Variants in CBLB observed in about 807,000 individuals in gnomAD.
CBLB encodes Cbl proto-oncogene B, also known as E3 ubiquitin-protein ligase CBL-B.
In CBLB, 31 loss-of-function variants were observed where a neutral mutation model predicts 104.9. That is an observed-to-expected ratio of 0.30 (90% CI 0.22 to 0.40). The LOEUF (loss-of-function observed/expected upper bound fraction) is 0.40. Ranked by LOEUF, CBLB falls within the 10% of genes least tolerant of loss-of-function variation. The pLI is 1.00. For synonymous variants in CBLB, 440 were observed against 422.6 expected (o/e 1.04, Z -0.51); for missense variants, 1,062 against 1,214.6 (o/e 0.87, Z 1.87).
chr3:105,756,682 T>C (rs558382794), intron 4 of CBLB, among the ~76,000 whole-genome samples: 86 of 152,318 alleles, frequency 5.6e-4, no homozygotes, highest in Non-Finnish European at 9.1e-4. Context: ...TTAACAAGTA[T>C]GTACTCTTTA....
intron 3 of CBLB, among the ~76,000 whole-genome samples, chr3:105,792,301 A>G (rs2081752709): frequency 2.0e-5 from 3 of 152,166 alleles, no homozygotes; most frequent in Non-Finnish European, 4.4e-5. Context: ...TGTGAAAGCA[A>G]TTCCTCTCTG....
rs1358864959 is a variant in CBLB, at chr3:105,744,400, A to G, written c.845+1517T>C. Reference sequence around the variant, plus strand: ...TGGTCATGAGAGATTCTTGAATGAAAGAAAATCATTCATCTAAACCACTGT... The same window carrying G: ...TGGTCATGAGAGATTCTTGAATGAAGGAAAATCATTCATCTAAACCACTGT... On this transcript the variant is annotated intron_variant, in intron 6 of 18. Coordinates refer to ENST00000394030, the MANE Select transcript of CBLB (RefSeq NM_170662.5). Among the ~76,000 whole-genome samples, 4 of 152,326 alleles carry G rather than the reference A, an allele frequency of 2.6e-5. No homozygotes were observed. In the East Asian group the frequency reaches 7.7e-4, roughly 29 times the overall value.
chr3:105,780,292 G>A (rs1008565955), intron 3 of CBLB, among the ~76,000 whole-genome samples: 13 of 152,126 alleles, frequency 8.5e-5, no homozygotes, highest in Admixed American at 1.3e-4. Context: ...TTTCTATTAC[G>A]TAATTTTTCC....
At chr3:105,678,900 CAG>C (rs1468359368) in intron 16 of CBLB, among the ~76,000 whole-genome samples, 4 of 152,092 alleles carry the variant, frequency 2.6e-5, no homozygotes, top group Admixed American at 2.6e-4. Context: ...TATTAGGACT[CAG>C]AGTTTGAACT....
In CBLB at chr3:105,657,792, G is replaced by C. The variant is rs1449760276; in HGVS notation, c.*1178C>G. On this transcript the variant is annotated 3_prime_UTR_variant, in exon 19 of 19. Transcript: ENST00000394030. ...ATGAGAGAATCTGCAAATTAAATAT[G>C]AACTCTAATTTGATTGCAGAGAGAA... The C allele has an allele frequency of 9.7e-6, 2 of 206,094 alleles. No homozygotes were observed. Among genetic ancestry groups the C allele is most frequent in the African/African-American group, 4.6e-5 (2 of 43,896 alleles). 12.8% of individuals were successfully genotyped at this position (206,094 alleles called of 1,614,324 possible). A position where few individuals can be genotyped will look rare whatever the true frequency, so the allele number is the denominator to read the frequency against.
chr3:105,740,831 C>CT (rs1206210163), intron 6 of CBLB, among the ~76,000 whole-genome samples, 200 bp from the exon 7 acceptor site: 2 of 152,066 alleles, frequency 1.3e-5, no homozygotes, highest in Admixed American at 1.3e-4. Context: ...CTGATCATTT[C>CT]TTTTTATTTA....
chr3:105,747,632 G>A (rs1056183377), intron 5 of CBLB, among the ~76,000 whole-genome samples: 4 of 152,154 alleles, frequency 2.6e-5, no homozygotes, highest in African/African-American at 9.7e-5. Context: ...ACTAAAAACT[G>A]CATTAAACAT....
At chr3:105,851,184 G>T (rs1456933151) in intron 3 of CBLB, among the ~76,000 whole-genome samples, 10 of 152,148 alleles carry the variant, frequency 6.6e-5, no homozygotes, top group Non-Finnish European at 1.5e-4. Context: ...CCACACAATG[G>T]AGTATTATTC....
intron 14 of CBLB, among the ~76,000 whole-genome samples, chr3:105,684,182 G>A (rs545032952): frequency 3.5e-4 from 53 of 152,308 alleles, no homozygotes; most frequent in Admixed American, 1.3e-3. Context: ...GTCATGGAGA[G>A]ATGCTGGAAT....
intron 7 of CBLB, among the ~76,000 whole-genome samples, chr3:105,737,755 A>G (rs1471364518): frequency 1.3e-5 from 2 of 152,128 alleles, no homozygotes; most frequent in Admixed American, 6.5e-5. Context: ...TACAGTTTCC[A>G]TATCTCTTCT....
At position 105,786,814 on chromosome 3, in the gene CBLB, T is replaced by C. The variant is rs576230931; in HGVS notation, c.420-10272A>G. Among the ~76,000 whole-genome samples, 3 of 152,276 alleles carry C rather than the reference T, an allele frequency of 2.0e-5. No individual in the cohort carries two copies. The East Asian group carries it at 5.8e-4, about 29-fold the overall frequency. On this transcript the variant is annotated intron_variant, in intron 3 of 18. Transcript: ENST00000394030. Reference sequence around the variant, plus strand: ...TTATTAGGAGCAAGAAATCTCAGAATAGTTATATAGATAAATTAGCACATC... The same window carrying C: ...TTATTAGGAGCAAGAAATCTCAGAACAGTTATATAGATAAATTAGCACATC...
At chr3:105,801,128 G>T (rs1324428234) in intron 3 of CBLB, among the ~76,000 whole-genome samples, 1 of 152,094 alleles carries the variant, frequency 6.6e-6, no homozygotes, top group East Asian at 1.9e-4. Context: ...AAATTTTTTA[G>T]AGAGGATTTA....
At chr3:105,692,036 T>C (rs939040594) in intron 13 of CBLB, among the ~76,000 whole-genome samples, 13 of 152,232 alleles carry the variant, frequency 8.5e-5, no homozygotes, top group Non-Finnish European at 1.6e-4. Flanking sequence ...TGTTATTTTC[T>C]AAAGTAGACT....
rs73854385 is a variant in CBLB at position 105,713,421 on chromosome 3, A to G, written c.1407+6626T>C. On this transcript the variant is annotated intron_variant, in intron 10 of 18. Transcript: ENST00000394030. Reference sequence around the variant, plus strand: ...AAAAAAAAATCCTTCTCAAGGGCCTACTGTGTATCAAGCACCATGCAAACC... The same window carrying G: ...AAAAAAAAATCCTTCTCAAGGGCCTGCTGTGTATCAAGCACCATGCAAACC... Among the ~76,000 whole-genome samples, 947 of 151,942 alleles carry G rather than the reference A, an allele frequency of 6.2e-3. 12 individuals carry two copies. The highest frequency in any genetic ancestry group is 0.022 in the African/African-American group (911 of 41,430).
chr3:105,774,567 G>C (rs1446828821), intron 4 of CBLB, among the ~76,000 whole-genome samples: 4 of 152,160 alleles, frequency 2.6e-5, no homozygotes, highest in Non-Finnish European at 4.4e-5. Flanking sequence ...GACTTGGGAG[G>C]TAGGGAAAGT....
At chr3:105,743,787 GTTT>G (rs149488322) in intron 6 of CBLB, among the ~76,000 whole-genome samples, 3 of 146,396 alleles carry the variant, frequency 2.0e-5, no homozygotes, top group Non-Finnish European at 3.0e-5. Flanking sequence ...ATTTGTTACA[GTTT>G]TTTTTTTATT....
intron 18 of CBLB, among the ~76,000 whole-genome samples, chr3:105,664,259 C>T (rs1037917703): frequency 6.6e-6 from 1 of 151,922 alleles, no homozygotes; most frequent in Non-Finnish European, 1.5e-5. Flanking sequence ...TGAAAGTTTT[C>T]TAGTATATAA....
intron 3 of CBLB, among the ~76,000 whole-genome samples, chr3:105,818,646 C>T (rs1413099272): frequency 2.6e-5 from 4 of 152,040 alleles, no homozygotes; most frequent in Non-Finnish European, 4.4e-5. Flanking sequence ...CTGTATATTA[C>T]CACTGAATCT....
chr3:105,769,195 G>A (rs2078579738), intron 4 of CBLB, among the ~76,000 whole-genome samples: 1 of 152,026 alleles, frequency 6.6e-6, no homozygotes, highest in Non-Finnish European at 1.5e-5. Context: ...GTGCATGCCT[G>A]TAATCCCAGC....
Sources: allele counts gnomAD v4.1 joint callset (sites outside exome capture counted in the v4.1 genomes callset), GRCh38; gene constraint gnomAD v4.1.1; transcripts MANE v1.5; gene names NCBI Gene and HGNC (gene_info 2026-07-23, HGNC 2026-07-21).